The following CROT variants were observed in gnomAD, a reference collection of about 807,000 sequenced individuals.
CROT encodes peroxisomal carnitine O-octanoyltransferase.
A neutral mutation model predicts 89.2 loss-of-function variants in CROT; 84 were observed. The observed-to-expected ratio is 0.94, with a 90% CI of 0.79 to 1.13. The LOEUF (loss-of-function observed/expected upper bound fraction) is 1.13. Ranked by LOEUF, CROT falls within the 50% of genes most tolerant of loss-of-function variation. The pLI, the probability that CROT is intolerant of heterozygous loss-of-function variation, is 0.00. For missense variants in CROT, 711 were observed against 727.8 expected (o/e 0.98, Z 0.27); for synonymous variants, 212 against 239.5 (o/e 0.89, Z 1.06).
intron 17 of CROT, among the ~76,000 whole-genome samples, chr7:87,394,079 T>G (rs1391972703): frequency 6.6e-6 from 1 of 152,178 alleles, no homozygotes; most frequent in Non-Finnish European, 1.5e-5. Flanking sequence ...CCTTACAGAC[T>G]TTATATGGTG....
At chr7:87,353,003 C>A (rs1181223215) in intron 3 of CROT, among the ~76,000 whole-genome samples, 2 of 152,114 alleles carry the variant, frequency 1.3e-5, no homozygotes, top group Admixed American at 1.3e-4. Flanking sequence ...CAGATACTGG[C>A]AGGAGTCAGT....
At chr7:87,378,661 T>A (rs772902834) in intron 10 of CROT, among the ~76,000 whole-genome samples, 8 of 152,178 alleles carry the variant, frequency 5.3e-5, no homozygotes, top group Non-Finnish European at 1.2e-4. Context: ...TTTCCAATGG[T>A]TACAGCAAAA....
Position 87,375,846 on chromosome 7 carries a change from G to T in CROT, c.769G>T (p.Gly257Cys), listed in dbSNP as rs768073618. The change falls in exon 9 of 18, where the codon GGT (glycine) becomes TGT (cysteine). Residue 257 changes from glycine to cysteine, a missense_variant. Gly to Cys is a radical substitution (Grantham distance 159). Transcript: ENST00000331536. ...CCTTTAGGCACGAGAATATCTGATT[G>T]GTCTTGATCCAGAGAACTTGGCTTT... Reference protein sequence around the residue: ...RWAKAREYLIGLDPENLALLE... With the variant: ...RWAKAREYLICLDPENLALLE... The T allele has an allele frequency of 1.2e-6, 2 of 1,613,436 alleles. No individual in the cohort carries two copies. The highest frequency in any genetic ancestry group is 3.3e-5 in the Admixed American group (2 of 59,928).
intron 7 of CROT, among the ~76,000 whole-genome samples, chr7:87,374,328 A>G (rs746888031): frequency 2.3e-4 from 35 of 152,070 alleles, no homozygotes; most frequent in Non-Finnish European, 4.0e-4. Flanking sequence ...TTTCAGGTTT[A>G]ACACACTTTC....
At chr7:87,379,244 C>T (rs1806913696) in intron 10 of CROT, among the ~76,000 whole-genome samples, 1 of 152,212 alleles carries the variant, frequency 6.6e-6, no homozygotes, top group Non-Finnish European at 1.5e-5. Context: ...TTCCTCTCTA[C>T]TGATTCTGAA....
chr7:87,374,737 T>A (rs1006345925), intron 7 of CROT, among the ~76,000 whole-genome samples: 4 of 152,026 alleles, frequency 2.6e-5, no homozygotes, highest in South Asian at 2.1e-4. Context: ...GTGTTACAGA[T>A]ATAATGAACA....
At chr7:87,358,626 A>G (rs1584623943) in intron 3 of CROT, among the ~76,000 whole-genome samples, 1 of 151,682 alleles carries the variant, frequency 6.6e-6, no homozygotes, top group South Asian at 2.1e-4. Context: ...AATGATAAGG[A>G]AGAGAAAAAT....
At chr7:87,361,277 T>C (rs1806259506) in intron 4 of CROT, 113 bp from the exon 5 acceptor site, 1 of 1,125,672 alleles carries the variant, frequency 8.9e-7, no homozygotes, top group East Asian at 2.5e-5. Flanking sequence ...AACATGTTTT[T>C]AAATGTTGAA....
At chr7:87,376,050 G>A (rs748206498) in intron 9 of CROT, 97 bp downstream of exon 9, 203 of 1,214,444 alleles carry the variant, frequency 1.7e-4, no homozygotes, top group Non-Finnish European at 2.1e-4. Context: ...TCTACCTTTA[G>A]GCTCTTGAAA....
At chr7:87,389,386 A>G (rs1017930474) in intron 13 of CROT, among the ~76,000 whole-genome samples, 4 of 152,206 alleles carry the variant, frequency 2.6e-5, no homozygotes, top group African/African-American at 9.6e-5. Context: ...GTGCCCATCA[A>G]TGATAGACTA....
At chr7:87,378,758 C>G (rs1480773465) in intron 10 of CROT, among the ~76,000 whole-genome samples, 1 of 152,174 alleles carries the variant, frequency 6.6e-6, no homozygotes, top group African/African-American at 2.4e-5. Context: ...TGAGCTTGGC[C>G]TGGGTCACAT....
At chr7:87,366,960 C>T (rs1806467069) in intron 6 of CROT, among the ~76,000 whole-genome samples, 1 of 152,196 alleles carries the variant, frequency 6.6e-6, no homozygotes, top group Non-Finnish European at 1.5e-5. Flanking sequence ...GCCTTTCGCT[C>T]TCCTTCTTGT....
At chr7:87,382,374 G>C in intron 12 of CROT, 39 bp from the exon 13 acceptor site, 1 of 1,599,668 alleles carries the variant, frequency 6.3e-7, no homozygotes, top group Non-Finnish European at 8.5e-7. Context: ...ATTCTCCTTA[G>C]GTGATTTTTC....
intron 7 of CROT, among the ~76,000 whole-genome samples, chr7:87,370,432 C>T (rs1053448095): frequency 6.6e-6 from 1 of 152,214 alleles, no homozygotes; most frequent in Non-Finnish European, 1.5e-5. Context: ...ATCCGCCTGC[C>T]TTGGCCTCCC....
chr7:87,375,903 T>C lies in CROT; in HGVS notation c.826T>C (p.Tyr276His). The C allele has an allele frequency of 6.2e-7, 1 of 1,613,318 alleles. No individual in the cohort carries two copies. The highest frequency in any genetic ancestry group is 2.2e-5 in the East Asian group (1 of 44,850). Reference sequence around the variant, plus strand: ...AAAAATTCAGAGTAGTTTACTGGTATATTCCATGGAGGATAGCAGTCCACA... The same window carrying C: ...AAAAATTCAGAGTAGTTTACTGGTACATTCCATGGAGGATAGCAGTCCACA... ...LEKIQSSLLV[Y>H]SMEDSSPHVT... is the part of the protein sequence containing the mutation. The change falls in exon 9 of 18, where the codon TAT (tyrosine) becomes CAT (histidine). Residue 276 changes from tyrosine to histidine, a missense_variant. Physicochemically the swap from Tyr to His is moderately conservative, Grantham distance 83 (BLOSUM62 2). Transcript: ENST00000331536.
chr7:87,357,468 C>T, intron 3 of CROT: 1 of 1,551,498 alleles, frequency 6.4e-7, no homozygotes, highest in South Asian at 1.2e-5. Context: ...CAGGCTGAAT[C>T]TCCTCAGCAT....
chr7:87,353,155 C>T (rs802039), intron 3 of CROT, among the ~76,000 whole-genome samples: 20 of 151,478 alleles, frequency 1.3e-4, no homozygotes, highest in Admixed American at 3.9e-4. Flanking sequence ...TTTTATTTTT[C>T]TTTTTTTTTT....
At chr7:87,348,544 C>A (rs1471795175) in intron 2 of CROT, among the ~76,000 whole-genome samples, 1 of 152,190 alleles carries the variant, frequency 6.6e-6, no homozygotes, top group Non-Finnish European at 1.5e-5. Flanking sequence ...ACATCAAATA[C>A]TATCTACCCA....
intron 13 of CROT, among the ~76,000 whole-genome samples, chr7:87,383,627 G>T (rs1807095891): frequency 6.6e-6 from 1 of 151,794 alleles, no homozygotes; most frequent in Non-Finnish European, 1.5e-5. Flanking sequence ...CTCCTGAGTA[G>T]CTGGGATTAC....
Sources: allele counts gnomAD v4.1 joint callset (sites outside exome capture counted in the v4.1 genomes callset), GRCh38; gene constraint gnomAD v4.1.1; transcripts MANE v1.5; gene names NCBI Gene and HGNC (gene_info 2026-07-23, HGNC 2026-07-21).